Variants in SLC4A1AP observed in about 807,000 individuals in gnomAD.
The protein encoded by SLC4A1AP is solute carrier family 4 member 1 adaptor protein, also known as kanadaptin.
A neutral mutation model predicts 89.7 loss-of-function variants in SLC4A1AP; 64 were observed. The observed-to-expected ratio is 0.71, with a 90% CI of 0.58 to 0.88. SLC4A1AP has a LOEUF of 0.88. Among genes scored for constraint, SLC4A1AP ranks in the 40% least tolerant of loss-of-function variants. The pLI, the probability that SLC4A1AP is intolerant of heterozygous loss-of-function variation, is 0.00. For synonymous variants in SLC4A1AP, 366 were observed against 353.3 expected (o/e 1.04, Z -0.40); for missense variants, 931 against 965.0 (o/e 0.96, Z 0.47).
Position 27,668,911 on chromosome 2 carries a change from C to A in SLC4A1AP, c.1205+8C>A. On this transcript the variant is annotated splice_region_variant and intron_variant, in intron 4 of 13. Transcript: ENST00000613058. ...TTGGCTCTGCAGGGTGAGGTATGCT[C>A]TTTTCTTATTAATGTTCTTTTCTGG... is the stretch of plus-strand genomic sequence containing the variant. The A allele has an allele frequency of 6.2e-7, 1 of 1,612,976 alleles. No individual in the cohort carries two copies.
At chr2:27,667,744 G>C (rs1343244844) in intron 3 of SLC4A1AP, among the ~76,000 whole-genome samples, 1 of 151,924 alleles carries the variant, frequency 6.6e-6, no homozygotes, top group Non-Finnish European at 1.5e-5. Context: ...CTGATCTTTT[G>C]TAATTCCTAA....
chr2:27,680,056 G>A (rs1675595153), intron 8 of SLC4A1AP, among the ~76,000 whole-genome samples: 1 of 152,154 alleles, frequency 6.6e-6, no homozygotes, highest in African/African-American at 2.4e-5. Flanking sequence ...GGCTGCCGGT[G>A]ACTGGGGGGT....
chr2:27,665,328 A>G (rs1276428931), intron 2 of SLC4A1AP, 33 bp downstream of exon 2: 11 of 1,551,294 alleles, frequency 7.1e-6, no homozygotes, highest in African/African-American at 1.4e-5. Context: ...GGAGGTTAAT[A>G]TTTTAAGTTC....
chr2:27,676,759 A>G (rs113762551), intron 6 of SLC4A1AP, among the ~76,000 whole-genome samples: 12,792 of 150,878 alleles, frequency 0.085, 1,639 homozygotes, highest in African/African-American at 0.28. Context: ...GAATGCAGGA[A>G]GCAGAGGTTG....
At chr2:27,688,893 C>G in intron 12 of SLC4A1AP, 126 bp downstream of exon 12, 1 of 617,214 alleles carries the variant, frequency 1.6e-6, no homozygotes, top group Non-Finnish European at 2.7e-6. Context: ...TCCTAGAAAT[C>G]TAGATTCTTT....
chr2:27,674,853 A>G (rs1355950255), intron 5 of SLC4A1AP, among the ~76,000 whole-genome samples: 1 of 151,000 alleles, frequency 6.6e-6, no homozygotes, highest in Non-Finnish European at 1.5e-5. Flanking sequence ...CTGGGATTAC[A>G]GGCACCCGCC....
rs1487490601 is a variant in SLC4A1AP at position 27,685,283 on chromosome 2, ATCTT to A, written c.2116+11_2116+14del. On this transcript the variant is annotated splice_region_variant and intron_variant, in intron 10 of 13. Coordinates refer to ENST00000613058, the Ensembl canonical transcript of SLC4A1AP. ...TAAAGAAACCCAAACCCATGGTAAT[ATCTT>A]TCTTCTCCTTCCTGTGTTGTTCAGT... 1 of 1,601,442 alleles carries A rather than the reference ATCTT, an allele frequency of 6.2e-7. No homozygotes were observed. The highest frequency in any genetic ancestry group is 1.8e-5 in the Admixed American group (1 of 56,722).
chr2:27,668,873 A>G (rs1292419389), exon 4 of SLC4A1AP: 3 of 1,614,052 alleles, frequency 1.9e-6, no homozygotes, highest in Non-Finnish European at 2.5e-6. Context: ...TTTGATGAAC[A>G]GGGACATAGC....
At chr2:27,667,330 A>G (rs1675345883) in exon 3 of SLC4A1AP, 11 of 1,613,810 alleles carry the variant, frequency 6.8e-6, no homozygotes, top group Non-Finnish European at 9.3e-6. Flanking sequence ...TCAGCAGGAA[A>G]GGGAGGCCTT....
chr2:27,664,417 G>T (rs201608519), exon 1 of SLC4A1AP: 1 of 1,614,228 alleles, frequency 6.2e-7, no homozygotes, highest in Non-Finnish European at 8.5e-7. Flanking sequence ...GGCCCTGACG[G>T]AGAATGCGAC....
intron 12 of SLC4A1AP, chr2:27,692,982 G>C (rs1675812111): frequency 6.6e-6 from 1 of 151,852 alleles, no homozygotes; most frequent in Admixed American, 6.6e-5. Context: ...TGTAGCTCAG[G>C]CTGGAGTGCA....
intron 2 of SLC4A1AP, among the ~76,000 whole-genome samples, chr2:27,666,352 A>C (rs1035155880): frequency 0.017 from 56 of 3,366 alleles, no homozygotes; most frequent in Non-Finnish European, 0.017. Flanking sequence ...CTTGTGATCC[A>C]CCCCCCACCC....
chr2:27,688,082 G>A (rs1220524653), intron 11 of SLC4A1AP, 62 bp downstream of exon 11: 2 of 1,391,944 alleles, frequency 1.4e-6, no homozygotes, highest in Non-Finnish European at 2.0e-6. Context: ...GTTTCATAAG[G>A]GAGGGGCTGG....
chr2:27,691,618 G>T (rs1675789326), intron 12 of SLC4A1AP: 1 of 143,000 alleles, frequency 7.0e-6, no homozygotes, highest in Admixed American at 7.0e-5. Flanking sequence ...TTGAGACAGA[G>T]TCTCATTCTG....
chr2:27,664,079 G>A (rs1244331636), exon 1 of SLC4A1AP: 1 of 1,614,196 alleles, frequency 6.2e-7, no homozygotes, highest in South Asian at 1.1e-5. Context: ...CTGCGTTGCA[G>A]GACTCCAATT....
intron 9 of SLC4A1AP, among the ~76,000 whole-genome samples, chr2:27,683,964 C>G (rs1288647258): frequency 1.3e-5 from 2 of 151,990 alleles, no homozygotes; most frequent in African/African-American, 4.8e-5. Flanking sequence ...TCTCGAACTC[C>G]TGACCTCATG....
chr2:27,675,728 A>G (rs900312693), intron 6 of SLC4A1AP, 36 bp downstream of exon 6: 1 of 1,422,636 alleles, frequency 7.0e-7, no homozygotes, highest in East Asian at 2.4e-5. Flanking sequence ...GTGGTATTTA[A>G]TAGTTTAATT....
At chr2:27,670,599 G>A (rs1462345343) in intron 5 of SLC4A1AP, among the ~76,000 whole-genome samples, 3 of 151,710 alleles carry the variant, frequency 2.0e-5, no homozygotes, top group African/African-American at 7.3e-5. Flanking sequence ...GCTCACGCCT[G>A]TAATCCCAGC....
exon 9 of SLC4A1AP, chr2:27,682,359 G>C (rs1278785384): frequency 6.3e-7 from 1 of 1,591,054 alleles, no homozygotes; most frequent in Non-Finnish European, 8.6e-7. Flanking sequence ...GAACAGTAGG[G>C]GTAAGTTGTG....
Sources: allele counts gnomAD v4.1 joint callset (sites outside exome capture counted in the v4.1 genomes callset), GRCh38; gene constraint gnomAD v4.1.1; transcripts MANE v1.5; gene names NCBI Gene and HGNC (gene_info 2026-07-23, HGNC 2026-07-21).